EMCN: variants seen among roughly 807,000 people sequenced by gnomAD.
EMCN encodes the protein endomucin.
Under a neutral mutation model 38.4 loss-of-function variants are expected in EMCN, and 37 were observed. The ratio of observed to expected loss-of-function variants is 0.96; its 90% CI spans 0.74 to 1.27. The LOEUF (loss-of-function observed/expected upper bound fraction) is 1.27. Ranked by LOEUF, EMCN falls within the 50% of genes most tolerant of loss-of-function variation. The pLI is 0.00. For missense variants in EMCN, 318 were observed against 302.8 expected (o/e 1.05, Z -0.37); for synonymous variants, 95 against 100.8 (o/e 0.94, Z 0.35).
At chr4:100,440,386 C>T (rs546405537) in intron 5 of EMCN, among the ~76,000 whole-genome samples, 1 of 152,104 alleles carries the variant, frequency 6.6e-6, no homozygotes, top group Non-Finnish European at 1.5e-5. Flanking sequence ...TTCCTAGCCT[C>T]ACTCCCACGT....
intron 1 of EMCN, among the ~76,000 whole-genome samples, chr4:100,507,150 T>C (rs555521897): frequency 6.6e-6 from 1 of 152,152 alleles, no homozygotes; most frequent in Non-Finnish European, 1.5e-5. Flanking sequence ...CCCAGGATCA[T>C]TCAATGTTAA....
rs532252008 is a variant in EMCN, at chr4:100,406,766, G to A, written c.*39+3516C>T. ...AGTTCTATTTTGTCAATTGTCAAAT[G>A]TAGGTCCCAGATGTCTTTGTTAGTA... On this transcript the variant is annotated intron_variant, in intron 11 of 11. Coordinates refer to ENST00000296420, the MANE Select transcript of EMCN (RefSeq NM_016242.4). 3.3e-5 allele frequency among the ~76,000 whole-genome samples: 5 copies of A among 152,202 alleles called. No homozygotes were observed. The South Asian group carries it at 1.0e-3, about 32-fold the overall frequency.
At chr4:100,514,179 A>G (rs1427379441) in intron 1 of EMCN, among the ~76,000 whole-genome samples, 1 of 152,108 alleles carries the variant, frequency 6.6e-6, no homozygotes, top group Non-Finnish European at 1.5e-5. Context: ...ACATCTCTAC[A>G]TAAATATCAG....
chr4:100,452,155 T>G (rs1727855652), intron 4 of EMCN, among the ~76,000 whole-genome samples: 1 of 152,072 alleles, frequency 6.6e-6, no homozygotes, highest in Non-Finnish European at 1.5e-5. Context: ...GTCACTCTCA[T>G]GTCCAGCTAG....
chr4:100,506,389 C>A lies in EMCN; in HGVS notation c.64+11462G>T, dbSNP rs191522830. On this transcript the variant is annotated intron_variant, in intron 1 of 11. Transcript: ENST00000296420. ...ATGCTTAGACAAAACCCTACAGCTA[C>A]TATGAAATAGGTGATGAGATTAACC... 3.4e-4 allele frequency among the ~76,000 whole-genome samples: 52 copies of A among 152,190 alleles called. 1 individual carries two copies. Among genetic ancestry groups the A allele is most frequent in the African/African-American group, 1.2e-3 (49 of 41,522 alleles).
intron 3 of EMCN, among the ~76,000 whole-genome samples, chr4:100,466,416 A>G (rs1728317950): frequency 6.6e-6 from 1 of 152,222 alleles, no homozygotes; most frequent in Non-Finnish European, 1.5e-5. Flanking sequence ...TATGTCAACA[A>G]GCATCTACTG....
chr4:100,435,371 A>G (rs1353169985), intron 5 of EMCN, among the ~76,000 whole-genome samples: 1 of 152,184 alleles, frequency 6.6e-6, no homozygotes, highest in Non-Finnish European at 1.5e-5. Context: ...CAAGGAAATC[A>G]GAGAAGACAC....
rs1726886755 is a variant in EMCN at position 100,421,480 on chromosome 4, TATC to T, written c.569-106_569-104del. 4 of 838,490 alleles carry T rather than the reference TATC, an allele frequency of 4.8e-6. No homozygotes were observed. The South Asian group carries it at 6.2e-5, about 13-fold the overall frequency. The allele number at this position is 838,490 out of a possible 1,614,324, so 51.9% of individuals were successfully genotyped here. On this transcript the variant is annotated intron_variant, in intron 7 of 11. Transcript: ENST00000296420. ...ATGAGTACTTCCTTTCTTCTTTAAA[TATC>T]ATTCTATTAAAAACATATTTTAGGC...
intron 4 of EMCN, 98 bp from the exon 5 acceptor site, chr4:100,447,669 TAGC>T: frequency 2.9e-6 from 2 of 696,396 alleles, no homozygotes; most frequent in Admixed American, 5.2e-5. Flanking sequence ...GTATGAATTT[TAGC>T]TCATTTCTGA....
chr4:100,415,907 G>C lies in EMCN; in HGVS notation c.742C>G (p.His248Asp). 1 of 1,583,620 alleles carries C rather than the reference G, an allele frequency of 6.3e-7. No homozygotes were observed. The highest frequency in any genetic ancestry group is 1.8e-5 in the Admixed American group (1 of 54,508). The change falls in exon 10 of 12, where the codon CAT becomes GAT. Residue 248 changes from histidine to aspartate, a missense_variant. By Grantham distance (81) the His-to-Asp change is moderately conservative (BLOSUM62 -1). Coordinates refer to ENST00000296420, the MANE Select transcript of EMCN (RefSeq NM_016242.4). Reference protein sequence around the residue: ...VKLLTVKTISHESGEHSAQGK... With the variant: ...VKLLTVKTISDESGEHSAQGK... ...TTGTCTGGAAACTTACCAGACTCAT[G>C]AGAAATTGTCTTAACGGTAAGAAGC...
At chr4:100,447,678 T>G (rs867106634) in intron 4 of EMCN, 107 bp from the exon 5 acceptor site, 2 of 632,268 alleles carry the variant, frequency 3.2e-6, no homozygotes, top group South Asian at 4.1e-5. Context: ...TTAGCTCATT[T>G]CTGATTCACT....
At chr4:100,484,980 CT>C (rs1308986451) in intron 1 of EMCN, among the ~76,000 whole-genome samples, 1 of 152,058 alleles carries the variant, frequency 6.6e-6, no homozygotes, top group Non-Finnish European at 1.5e-5. Flanking sequence ...TGAATTATCT[CT>C]GAGAACATAT....
chr4:100,483,878 G>A (rs1478324322), intron 1 of EMCN, among the ~76,000 whole-genome samples: 1 of 152,106 alleles, frequency 6.6e-6, no homozygotes, highest in Non-Finnish European at 1.5e-5. Context: ...ACAGGACATG[G>A]TGAGATACTA....
chr4:100,415,460 A>C (rs2110213006), intron 10 of EMCN, among the ~76,000 whole-genome samples: 1 of 152,314 alleles, frequency 6.6e-6, no homozygotes, highest in South Asian at 2.1e-4. Flanking sequence ...ACCTTTATGG[A>C]GAGGCTCAAT....
At chr4:100,413,444 G>A (rs1430917673) in intron 10 of EMCN, among the ~76,000 whole-genome samples, 1 of 151,846 alleles carries the variant, frequency 6.6e-6, no homozygotes, top group African/African-American at 2.4e-5. Context: ...AATAATTTTA[G>A]TAACGTAACT....
chr4:100,511,536 A>G (rs113444854), intron 1 of EMCN, among the ~76,000 whole-genome samples: 35 of 152,316 alleles, frequency 2.3e-4, no homozygotes, highest in African/African-American at 8.2e-4. Flanking sequence ...ATTTTTTACT[A>G]CTAACCTCAC....
At chr4:100,439,928 T>C (rs1042516892) in intron 5 of EMCN, among the ~76,000 whole-genome samples, 4 of 152,080 alleles carry the variant, frequency 2.6e-5, no homozygotes, top group Non-Finnish European at 5.9e-5. Context: ...CATATAATTG[T>C]GGATTTTCAA....
At chr4:100,464,130 A>G (rs1297931410) in intron 4 of EMCN, among the ~76,000 whole-genome samples, 2 of 151,794 alleles carry the variant, frequency 1.3e-5, no homozygotes, top group Non-Finnish European at 1.5e-5. Flanking sequence ...CTATTGTTAA[A>G]TTTATTTCTA....
chr4:100,507,877 T>C (rs1729524131), intron 1 of EMCN, among the ~76,000 whole-genome samples: 1 of 152,202 alleles, frequency 6.6e-6, no homozygotes, highest in African/African-American at 2.4e-5. Context: ...AAACATGTTT[T>C]TTTGTTGATG....
Sources: gnomAD v4.1 joint callset for allele counts (sites outside exome capture counted in the v4.1 genomes callset) on GRCh38, gnomAD v4.1.1 for gene constraint, MANE v1.5 for transcripts, NCBI Gene and HGNC (gene_info 2026-07-23, HGNC 2026-07-21) for gene names.